Variants in CCDC171 observed in about 807,000 individuals in gnomAD.
CCDC171 encodes the protein coiled-coil domain containing 171.
In CCDC171, 177 loss-of-function variants were observed where a neutral mutation model predicts 168.2. The observed-to-expected ratio is 1.05, with a 90% CI of 0.93 to 1.19. CCDC171 has a LOEUF of 1.19. Ranked by LOEUF, CCDC171 falls within the 50% of genes most tolerant of loss-of-function variation. The pLI, the probability that CCDC171 is intolerant of heterozygous loss-of-function variation, is 0.00. For synonymous variants in CCDC171, 687 were observed against 540.8 expected, an observed-to-expected ratio of 1.27 and a Z score of -3.75; for missense variants, 1,991 against 1,539.0, an observed-to-expected ratio of 1.29 and a Z score of -4.91.
chr9:15,724,648 G>A lies in CCDC171; in HGVS notation c.1492-128G>A, dbSNP rs115750017. 1.8e-3 allele frequency: 1,103 copies of A among 625,720 alleles called. 5 individuals carry two copies. The African/African-American group carries it at 0.019, about 11-fold the overall frequency. 38.8% of individuals were successfully genotyped at this position (625,720 alleles called of 1,614,324 possible). On this transcript the variant is annotated intron_variant, in intron 13 of 25. Coordinates refer to ENST00000380701, the MANE Select transcript of CCDC171 (RefSeq NM_173550.4). ...GTAAAATATTTTAATGTAAACAAAT[G>A]CTTGCCTGCCTTTGTGATTCTTTCA... is the stretch of plus-strand genomic sequence containing the variant.
At chr9:15,783,831 T>C (rs2057795641) in intron 20 of CCDC171, among the ~76,000 whole-genome samples, 1 of 151,948 alleles carries the variant, frequency 6.6e-6, no homozygotes, top group Non-Finnish European at 1.5e-5. Context: ...GATGTGTATA[T>C]ATGAGTATTA....
At chr9:15,810,770 C>G (rs2059317363) in intron 21 of CCDC171, among the ~76,000 whole-genome samples, 2 of 152,204 alleles carry the variant, frequency 1.3e-5, no homozygotes, top group African/African-American at 2.4e-5. Context: ...GCCCTGGTTC[C>G]CGCCTGCGCC....
chr9:15,598,721 A>AG (rs1564017010), intron 6 of CCDC171, among the ~76,000 whole-genome samples: 13 of 151,996 alleles, frequency 8.6e-5, no homozygotes, highest in African/African-American at 1.7e-4. Flanking sequence ...TTTCTGTCTC[A>AG]TTGATCTGTC....
At chr9:16,084,350 G>A in the CCDC171 span, among the ~76,000 whole-genome samples, 1 of 152,098 alleles carries the variant, frequency 6.6e-6, no homozygotes, top group Non-Finnish European at 1.5e-5. Context: ...TTCTAGGGCT[G>A]TGTAACTTGC....
chr9:16,065,640 G>A (rs574533801), downstream of CCDC171, among the ~76,000 whole-genome samples: 1 of 152,268 alleles, frequency 6.6e-6, no homozygotes, highest in Admixed American at 6.5e-5. Context: ...ATTTGTCTTT[G>A]GAATATTTGC....
the CCDC171 span, among the ~76,000 whole-genome samples, chr9:16,076,070 A>T: frequency 1.5e-4 from 23 of 152,190 alleles, no homozygotes; most frequent in African/African-American, 4.8e-4. Context: ...GGGTCTGTGG[A>T]TGAGTGGGTG....
At chr9:15,742,472 A>G (rs2054945755) in intron 16 of CCDC171, among the ~76,000 whole-genome samples, 1 of 152,198 alleles carries the variant, frequency 6.6e-6, no homozygotes, top group Non-Finnish European at 1.5e-5. Flanking sequence ...TAATATAGCT[A>G]TAAGCCAAGT....
chr9:16,066,979 T>C, the CCDC171 span, among the ~76,000 whole-genome samples: 1 of 152,004 alleles, frequency 6.6e-6, no homozygotes, highest in Admixed American at 6.6e-5. Context: ...ATATACCCAG[T>C]AATGGGATGG....
chr9:16,076,851 T>G, the CCDC171 span, among the ~76,000 whole-genome samples: 1 of 152,210 alleles, frequency 6.6e-6, no homozygotes, highest in African/African-American at 2.4e-5. Flanking sequence ...AAAGACAGAC[T>G]TGTAGAACCC....
At chr9:15,656,377 T>G (rs2047936215) in intron 7 of CCDC171, among the ~76,000 whole-genome samples, 1 of 152,068 alleles carries the variant, frequency 6.6e-6, no homozygotes, top group Non-Finnish European at 1.5e-5. Context: ...TTCATTCCAT[T>G]CTTCACTATT....
At chr9:15,824,673 A>G (rs919515641) in intron 21 of CCDC171, among the ~76,000 whole-genome samples, 1 of 152,116 alleles carries the variant, frequency 6.6e-6, no homozygotes, top group Admixed American at 6.6e-5. Flanking sequence ...GAAGCTGGCT[A>G]ATTTCTATCC....
intron 18 of CCDC171, among the ~76,000 whole-genome samples, chr9:15,773,409 C>T (rs115224711): frequency 0.012 from 1,871 of 152,216 alleles, 44 homozygotes; most frequent in African/African-American, 0.042. Flanking sequence ...AACTACAGGT[C>T]GAAACAATTC....
At chr9:15,940,019 C>T (rs1208516913) in intron 25 of CCDC171, among the ~76,000 whole-genome samples, 1 of 151,816 alleles carries the variant, frequency 6.6e-6, no homozygotes, top group African/African-American at 2.4e-5. Flanking sequence ...TTTCTTCCAA[C>T]AAAAATACTT....
intron 24 of CCDC171, among the ~76,000 whole-genome samples, chr9:15,919,463 G>T (rs571634892): frequency 4.0e-5 from 6 of 151,492 alleles, no homozygotes; most frequent in Admixed American, 2.6e-4. Flanking sequence ...CATTTTTCTT[G>T]TAAACAATAT....
intron 6 of CCDC171, among the ~76,000 whole-genome samples, chr9:15,608,194 C>A (rs1405468449): frequency 6.6e-6 from 1 of 152,122 alleles, no homozygotes; most frequent in African/African-American, 2.4e-5. Context: ...CTGTCATGAC[C>A]CAGTCCTCTC....
chr9:15,564,603 G>A (rs893853025), intron 2 of CCDC171, among the ~76,000 whole-genome samples: 1 of 152,104 alleles, frequency 6.6e-6, no homozygotes, highest in Non-Finnish European at 1.5e-5. Flanking sequence ...AAGACGTAAC[G>A]CCTAATTGCT....
At chr9:15,747,055 T>C (rs1028603835) in intron 18 of CCDC171, among the ~76,000 whole-genome samples, 2 of 152,304 alleles carry the variant, frequency 1.3e-5, no homozygotes. Flanking sequence ...TGACCTGGGA[T>C]GCTGGAGCTT....
intron 21 of CCDC171, among the ~76,000 whole-genome samples, chr9:15,801,447 A>G (rs2058816077): frequency 6.6e-6 from 1 of 152,010 alleles, no homozygotes; most frequent in African/African-American, 2.4e-5. Flanking sequence ...AATACTACTG[A>G]ATTTTGAATG....
At chr9:16,016,880 A>G (rs3008713) in intron 3 of CCDC171, among the ~76,000 whole-genome samples, 115,230 of 152,112 alleles carry the variant, frequency 0.76, 43,735 homozygotes, top group Admixed American at 0.83. Context: ...TTCTTCCTTT[A>G]CTGCCTAGCA....
Sources: allele counts gnomAD v4.1 joint callset (sites outside exome capture counted in the v4.1 genomes callset), GRCh38; gene constraint gnomAD v4.1.1; transcripts MANE v1.5; gene names NCBI Gene and HGNC (gene_info 2026-07-23, HGNC 2026-07-21).